The following BTBD9 variants were observed in gnomAD, a reference collection of about 807,000 sequenced individuals.
BTBD9 encodes the protein BTB/POZ domain-containing protein 9.
A neutral mutation model predicts 64.3 loss-of-function variants in BTBD9; 49 were observed. The ratio of observed to expected loss-of-function variants is 0.76; its 90% CI spans 0.61 to 0.97. The LOEUF (loss-of-function observed/expected upper bound fraction) is 0.97, where lower values mean the gene tolerates loss of function less well. Ranked by LOEUF, BTBD9 falls within the 50% of genes least tolerant of loss-of-function variation. The pLI is 0.00. For synonymous variants in BTBD9, 260 were observed against 274.7 expected (o/e 0.95, Z 0.53); for missense variants, 598 against 762.1 (o/e 0.78, Z 2.53).
intron 9 of BTBD9, among the ~76,000 whole-genome samples, chr6:38,232,429 C>G (rs1289499075): frequency 6.6e-6 from 1 of 151,966 alleles, no homozygotes; most frequent in Non-Finnish European, 1.5e-5. Context: ...TGCCACCACG[C>G]CCGGCTAATT....
intron 7 of BTBD9, among the ~76,000 whole-genome samples, chr6:38,301,374 T>C (rs934144115): frequency 2.0e-4 from 31 of 152,344 alleles, no homozygotes; most frequent in African/African-American, 7.2e-4. Flanking sequence ...GCTGGCCTCA[T>C]AAAATGAGTT....
chr6:38,465,938 C>A (rs1770366971), intron 6 of BTBD9, among the ~76,000 whole-genome samples: 1 of 146,650 alleles, frequency 6.8e-6, no homozygotes, highest in Non-Finnish European at 1.5e-5. Flanking sequence ...TCAAGCAATC[C>A]TCTCATCGCA....
chr6:38,623,927 G>A (rs1482771223), intron 1 of BTBD9, among the ~76,000 whole-genome samples: 1 of 152,170 alleles, frequency 6.6e-6, no homozygotes, highest in Non-Finnish European at 1.5e-5. Context: ...CCCTTGGGAG[G>A]ATACTACAAC....
At chr6:38,187,518 C>T (rs767871163) in intron 10 of BTBD9, among the ~76,000 whole-genome samples, 29 of 152,014 alleles carry the variant, frequency 1.9e-4, no homozygotes, top group Non-Finnish European at 3.2e-4. Context: ...ACAAAGGAGT[C>T]GGGGGAAGCG....
chr6:38,302,133 T>C (rs1394059004), intron 7 of BTBD9, among the ~76,000 whole-genome samples: 2 of 152,142 alleles, frequency 1.3e-5, no homozygotes, highest in Non-Finnish European at 2.9e-5. Flanking sequence ...TAGTGAAACA[T>C]TCACAATCCT....
intron 9 of BTBD9, among the ~76,000 whole-genome samples, chr6:38,225,817 A>G (rs1953308): frequency 0.83 from 125,303 of 151,694 alleles, 51,909 homozygotes; most frequent in East Asian, 0.95. Flanking sequence ...TCTAGTCAGA[A>G]CGACCTAATG....
chr6:38,246,731 C>T (rs908082758), intron 9 of BTBD9, among the ~76,000 whole-genome samples: 5 of 152,164 alleles, frequency 3.3e-5, no homozygotes, highest in Middle Eastern at 3.4e-3. Flanking sequence ...GTGACAATTA[C>T]ACAACCAGAA....
intron 9 of BTBD9, among the ~76,000 whole-genome samples, chr6:38,202,251 A>AT (rs1762492303): frequency 6.6e-6 from 1 of 151,646 alleles, no homozygotes; most frequent in Non-Finnish European, 1.5e-5. Context: ...CACCCAGCTA[A>AT]TTTTTTTGTA....
At chr6:38,450,945 T>C (rs1769512511) in intron 6 of BTBD9, among the ~76,000 whole-genome samples, 1 of 152,142 alleles carries the variant, frequency 6.6e-6, no homozygotes, top group South Asian at 2.1e-4. Context: ...TCCAAATAGT[T>C]TCCCTGCTTT....
At chr6:38,311,266 C>T (rs1370885662) in intron 7 of BTBD9, among the ~76,000 whole-genome samples, 2 of 151,296 alleles carry the variant, frequency 1.3e-5, no homozygotes, top group East Asian at 1.9e-4. Context: ...CTTTCACAGT[C>T]TCTGGTAAGA....
chr6:38,200,307 T>C (rs1353995931), intron 9 of BTBD9, among the ~76,000 whole-genome samples: 1 of 152,150 alleles, frequency 6.6e-6, no homozygotes, highest in African/African-American at 2.4e-5. Context: ...AGCCCCTATA[T>C]ACAAAAGTAG....
chr6:38,475,374 A>C (rs1770832848), intron 6 of BTBD9, among the ~76,000 whole-genome samples: 1 of 150,022 alleles, frequency 6.7e-6, no homozygotes. Context: ...TGCTGTCTCC[A>C]TCTTTGTTCA....
chr6:38,537,094 T>C (rs534610317), intron 6 of BTBD9, among the ~76,000 whole-genome samples: 14 of 152,266 alleles, frequency 9.2e-5, no homozygotes, highest in Non-Finnish European at 1.8e-4. Flanking sequence ...CTCAGAAATA[T>C]AAACATCTAC....
intron 9 of BTBD9, among the ~76,000 whole-genome samples, chr6:38,254,390 A>G (rs1764503980): frequency 6.6e-6 from 1 of 152,108 alleles, no homozygotes; most frequent in Admixed American, 6.5e-5. Context: ...ACAAGCCATC[A>G]TTAATACTGT....
chr6:38,511,262 C>G (rs1361325470), intron 6 of BTBD9, among the ~76,000 whole-genome samples: 1 of 152,070 alleles, frequency 6.6e-6, no homozygotes, highest in Non-Finnish European at 1.5e-5. Context: ...ATGTTACCTT[C>G]CTTACAAAAT....
At chr6:38,599,034 C>T (rs1175630105) in intron 1 of BTBD9, among the ~76,000 whole-genome samples, 1 of 152,140 alleles carries the variant, frequency 6.6e-6, no homozygotes, top group Non-Finnish European at 1.5e-5. Context: ...GTAATTCCAA[C>T]AGTTTTCTCA....
chr6:38,543,787 T>C (rs1175819898), intron 6 of BTBD9, among the ~76,000 whole-genome samples: 5 of 151,742 alleles, frequency 3.3e-5, no homozygotes, highest in Admixed American at 6.6e-5. Flanking sequence ...GAAACCCCGT[T>C]TCTACTAAAA....
intron 6 of BTBD9, among the ~76,000 whole-genome samples, chr6:38,418,630 T>C (rs1422132409): frequency 7.2e-5 from 11 of 152,346 alleles, no homozygotes; most frequent in Admixed American, 5.2e-4. Context: ...AAGGAGTTTT[T>C]CAAAACATTT....
At position 38,493,587 on chromosome 6, in the gene BTBD9, G is replaced by T. The variant is rs558506292; in HGVS notation, c.1154+84013C>A. ...TACATTCATTTTGGAATAATAAAGT[G>T]ATGTTAGGAGATTCCTGTCATTGCG... On this transcript the variant is annotated intron_variant, in intron 6 of 10. Transcript: ENST00000481247. Among the ~76,000 whole-genome samples the T allele has an allele frequency of 8.9e-4, 135 of 152,338 alleles. 3 individuals carry two copies. The South Asian group carries it at 0.028, about 31-fold the overall frequency.
Sources: allele counts gnomAD v4.1 joint callset (sites outside exome capture counted in the v4.1 genomes callset), GRCh38; gene constraint gnomAD v4.1.1; transcripts MANE v1.5; gene names NCBI Gene and HGNC (gene_info 2026-07-23, HGNC 2026-07-21).